MED23: variants seen among roughly 807,000 people sequenced by gnomAD.
The protein encoded by MED23 is mediator complex subunit 23, also known as mediator of RNA polymerase II transcription subunit 23.
Under a neutral mutation model 163.9 loss-of-function variants are expected in MED23, and 105 were observed. The observed-to-expected ratio is 0.64, with a 90% CI of 0.55 to 0.75. The LOEUF is 0.75. Ranked by LOEUF, MED23 falls within the 30% of genes least tolerant of loss-of-function variation. MED23 has a pLI of 0.00. For missense variants in MED23, 1,054 were observed against 1,649.0 expected, an observed-to-expected ratio of 0.64 and a Z score of 6.25; for synonymous variants, 561 against 565.6, an observed-to-expected ratio of 0.99 and a Z score of 0.12.
Position 131,600,154 on chromosome 6 carries a change from T to TA in MED23, c.2103dup (p.Thr702TyrfsTer4), listed in dbSNP as rs1419084791. 1.2e-6 allele frequency: 2 copies of TA among 1,606,274 alleles called. No homozygotes were observed. Among genetic ancestry groups the TA allele is most frequent in the Non-Finnish European group, 1.7e-6 (2 of 1,173,122 alleles). ...GTTCCCTGAATTGAATCAGAGCCTGTAAAAAAATCTAAACATAAACAAATA... is the reference window on the plus strand; with the variant it reads ...GTTCCCTGAATTGAATCAGAGCCTGTAAAAAAAATCTAAACATAAACAAATA... On this transcript the variant is annotated frameshift_variant, in exon 18 of 29. Coordinates refer to ENST00000368068, the MANE Select transcript of MED23 (RefSeq NM_004830.4). LOFTEE classifies it high-confidence loss of function.
chr6:131,577,414 C>G (rs1024958458), intron 30 of MED23, among the ~76,000 whole-genome samples: 1 of 152,128 alleles, frequency 6.6e-6, no homozygotes, highest in Non-Finnish European at 1.5e-5. Context: ...AGAAGTACAA[C>G]TACAAACATT....
In MED23 at chr6:131,594,167, G is replaced by A. The variant is rs1562373859; in HGVS notation, c.3164C>T (p.Ala1055Val). Residue 1055 changes from alanine to valine, a missense_variant, in exon 23 of 29, where the codon GCA (alanine) becomes GTA (valine). Ala to Val is a moderately conservative substitution (Grantham distance 64). Transcript: ENST00000368068. ...TGGAACCCAAGGATTTTCCTCTCGTGCATTCATAGCGCATTTCAGGTAAGT... is the reference window on the plus strand; with the variant it reads ...TGGAACCCAAGGATTTTCCTCTCGTACATTCATAGCGCATTTCAGGTAAGT... ...SDTYLKCAMNAREENPWVPDD... is the reference protein window; with the variant it reads ...SDTYLKCAMNVREENPWVPDD... 4 of 1,614,130 alleles carry A rather than the reference G, an allele frequency of 2.5e-6. No individual in the cohort carries two copies. Among genetic ancestry groups the A allele is most frequent in the Non-Finnish European group, 2.5e-6 (3 of 1,180,022 alleles).
chr6:131,622,420 CTA>C, intron 5 of MED23, among the ~76,000 whole-genome samples: 1 of 152,282 alleles, frequency 6.6e-6, no homozygotes, highest in Admixed American at 6.5e-5. Context: ...TGTGACTGGC[CTA>C]TTCTCCCTTC....
chr6:131,621,735 T>C (rs1585567213), intron 6 of MED23, 146 bp downstream of exon 6: 1 of 507,030 alleles, frequency 2.0e-6, no homozygotes, highest in East Asian at 3.1e-5. Flanking sequence ...ATAAGGGAAC[T>C]AGCATCTTTT....
Position 131,587,202 on chromosome 6 carries a change from C to G in MED23, c.*477G>C. 2 of 1,094,902 alleles carry G rather than the reference C, an allele frequency of 1.8e-6. No individual in the cohort carries two copies. The highest frequency in any genetic ancestry group is 2.3e-6 in the Non-Finnish European group (2 of 883,288). The allele number at this position is 1,094,902 out of a possible 1,614,324, so 67.8% of individuals were successfully genotyped here. On this transcript the variant is annotated 3_prime_UTR_variant, in exon 29 of 29. Coordinates refer to ENST00000368068, the MANE Select transcript of MED23 (RefSeq NM_004830.4). ...CCTACAATGCAACAAAATCTAGATTCCTTTTCTTGATATAAATCTCTATTA... is the reference window on the plus strand; with the variant it reads ...CCTACAATGCAACAAAATCTAGATTGCTTTTCTTGATATAAATCTCTATTA...
rs1774715977 is a variant in MED23 at position 131,592,451 on chromosome 6, T to C, written c.3408A>G (p.Leu1136=). The C allele has an allele frequency of 3.1e-6, 5 of 1,613,988 alleles. No individual in the cohort carries two copies. The highest frequency in any genetic ancestry group is 4.2e-6 in the Non-Finnish European group (5 of 1,179,932). Residue 1136 remains leucine, a synonymous_variant, in exon 25 of 29, where the codon TTA becomes TTG. Transcript: ENST00000368068. ...ATGCTGTAATGTTCTCTCTTGGCAC[T>C]AAAGGCTGACTGCAACCGGCAAAAA... The part of the protein sequence containing the change: ...LLNVVLKSQP[L]VPRENITAWM...
chr6:131,585,129 C>T (rs574014352), downstream of MED23, among the ~76,000 whole-genome samples: 5 of 152,142 alleles, frequency 3.3e-5, no homozygotes, highest in South Asian at 2.1e-4. Context: ...TGGCTTCCAA[C>T]GTTTCACCCT....
intron 22 of MED23, among the ~76,000 whole-genome samples, chr6:131,594,997 GTTTTTAAAAGAACGCTCAC>G (rs1184535318): frequency 6.6e-6 from 1 of 152,120 alleles, no homozygotes; most frequent in Non-Finnish European, 1.5e-5. Flanking sequence ...AAAGAAAAAT[GTTTTTAAAAGAACGCTCAC>G]TTGAACTTTA....
At chr6:131,602,504 T>A (rs966241450) in intron 16 of MED23, 123 bp from the exon 17 acceptor site, 22 of 844,056 alleles carry the variant, frequency 2.6e-5, no homozygotes, top group Non-Finnish European at 3.6e-5. Context: ...AAAACACTTT[T>A]GTGTGAGAAT....
At chr6:131,581,458 C>T in intron 30 of MED23, 1 of 1,418,620 alleles carries the variant, frequency 7.0e-7, no homozygotes, top group African/African-American at 1.4e-5. Context: ...ATGAGAAACT[C>T]CATGTTATCT....
intron 25 of MED23, 41 bp downstream of exon 25, chr6:131,592,347 T>A: frequency 1.3e-6 from 2 of 1,556,880 alleles, no homozygotes; most frequent in Non-Finnish European, 1.8e-6. Flanking sequence ...AACAGCTGGC[T>A]GTATTTCATC....
chr6:131,621,881 C>A lies in MED23; in HGVS notation c.495G>T (p.Glu165Asp). 4 of 1,601,826 alleles carry A rather than the reference C, an allele frequency of 2.5e-6. No individual in the cohort carries two copies. The highest frequency in any genetic ancestry group is 3.4e-6 in the Non-Finnish European group (4 of 1,173,166). The stretch of plus-strand genomic sequence containing the variant: ...CGAATTTCAGACATGTCTAAATTAC[C>A]TCTCTTGCTGCCAGAAGCTGCTGTA... ...AVVQQLLAAR[E>D]VIAYILERNA... Residue 165 changes from glutamate to aspartate, a missense_variant and splice_region_variant, in exon 6 of 29, where the codon GAG becomes GAT. Transcript: ENST00000368068.
rs140535285 is a variant in MED23, at chr6:131,575,824, C to T, written c.4096-1529G>A. 6.3e-4 allele frequency among the ~76,000 whole-genome samples: 96 copies of T among 152,280 alleles called. 2 individuals are homozygous for T. Among genetic ancestry groups the T allele is most frequent in the Middle Eastern group, 3.4e-3 (1 of 294 alleles). On this transcript the variant is annotated intron_variant, in intron 30 of 30. Coordinates refer to the MED23 transcript ENST00000354577. ...AGTGTTAGTTTCCCTAATGTCAAAA[C>T]GGCAAGGGTAGAACTTCCCATCATA...
chr6:131,582,533 T>C, downstream of MED23: 2 of 949,506 alleles, frequency 2.1e-6, no homozygotes, highest in Non-Finnish European at 3.5e-6. Flanking sequence ...ATATAAGATA[T>C]ACGCAATCCA....
downstream of MED23, chr6:131,582,735 T>G (rs999453499): frequency 1.2e-6 from 2 of 1,608,820 alleles, no homozygotes; most frequent in South Asian, 2.2e-5. Context: ...TTCCTTGATG[T>G]GATTTGCCTC....
chr6:131,580,680 T>G (rs1475302064), intron 30 of MED23, among the ~76,000 whole-genome samples: 1 of 152,144 alleles, frequency 6.6e-6, no homozygotes, highest in African/African-American at 2.4e-5. Flanking sequence ...ATAGAATGAG[T>G]GAACACACGC....
intron 30 of MED23, chr6:131,576,740 T>G: frequency 6.2e-7 from 1 of 1,612,218 alleles, no homozygotes; most frequent in Middle Eastern, 1.7e-4. Context: ...AACAAGGTAA[T>G]TTTTAAGTTG....
rs1194308510 is a variant in MED23 at position 131,598,174 on chromosome 6, T to A, written c.2607+113A>T. 1 of 1,056,804 alleles carries A rather than the reference T, an allele frequency of 9.5e-7. No individual in the cohort carries two copies. Among genetic ancestry groups the A allele is most frequent in the African/African-American group, 1.6e-5 (1 of 62,818 alleles). 65.5% of individuals were successfully genotyped at this position (1,056,804 alleles called of 1,614,324 possible). On this transcript the variant is annotated intron_variant, in intron 20 of 28. Transcript: ENST00000368068. This position sits in a 1 kb window ranked among gnomAD's most constrained non-coding sequence, Gnocchi z 4.7. ...TTAGGGAAGTGACAGCAATGCTTGATATAGTATAAATTCATTAAATCCTTC... is the reference window on the plus strand; with the variant it reads ...TTAGGGAAGTGACAGCAATGCTTGAAATAGTATAAATTCATTAAATCCTTC...
At chr6:131,596,422 A>G in intron 21 of MED23, 96 bp downstream of exon 21, 1 of 1,375,384 alleles carries the variant, frequency 7.3e-7, no homozygotes, top group Non-Finnish European at 1.0e-6. Context: ...CAAGAGAAAA[A>G]ACATTAGAAC....
Sources: gnomAD v4.1 joint callset for allele counts (sites outside exome capture counted in the v4.1 genomes callset) on GRCh38, gnomAD v4.1.1 for gene constraint, Gnocchi (gnomAD v3.1) non-coding constraint, MANE v1.5 for transcripts, NCBI Gene and HGNC (gene_info 2026-07-23, HGNC 2026-07-21) for gene names.